Variants in DEPDC1B observed in about 807,000 individuals in gnomAD.
DEPDC1B encodes the protein DEP domain containing 1B.
DEPDC1B carries 51 observed loss-of-function variants against 66.5 expected under a neutral mutation model. The observed-to-expected ratio is 0.77, with a 90% CI of 0.61 to 0.97. The LOEUF is 0.97. DEPDC1B is among the 50% of genes least tolerant of loss of function. The probability of loss-of-function intolerance (pLI) is 0.00; values close to 1 mark genes in which losing one functional copy is unlikely to be tolerated. For missense variants in DEPDC1B, 552 were observed against 637.1 expected (o/e 0.87, Z 1.44); for synonymous variants, 226 against 223.6 (o/e 1.01, Z -0.10).
chr5:60,700,099 G>T lies in DEPDC1B; in HGVS notation c.-6C>A. On this transcript the variant is annotated 5_prime_UTR_variant, in exon 1 of 11. Transcript: ENST00000265036. ...CCCACGATGCGATGCTCCATGGCGC[G>T]TAGGCAGCAGCGGCCGCAGCCGCGC... 6.5e-7 allele frequency: 1 copy of T among 1,550,326 alleles called. No individual in the cohort carries two copies. The highest frequency in any genetic ancestry group is 1.2e-5 in the South Asian group (1 of 84,218).
chr5:60,650,127 G>A (rs547512763), intron 2 of DEPDC1B, among the ~76,000 whole-genome samples: 2 of 152,144 alleles, frequency 1.3e-5, no homozygotes, highest in East Asian at 1.9e-4. Flanking sequence ...GAGATGAGAG[G>A]ATCACTTGAA....
chr5:60,656,839 T>C (rs1753590060), intron 2 of DEPDC1B, among the ~76,000 whole-genome samples: 1 of 152,116 alleles, frequency 6.6e-6, no homozygotes, highest in South Asian at 2.1e-4. Flanking sequence ...ACATGGGGAT[T>C]GTAGGGATTT....
At chr5:60,610,744 G>T (rs1326237289) in intron 7 of DEPDC1B, among the ~76,000 whole-genome samples, 2 of 152,168 alleles carry the variant, frequency 1.3e-5, no homozygotes, top group Admixed American at 1.3e-4. Context: ...TTATTACTCT[G>T]TGAGTCACTG....
intron 2 of DEPDC1B, among the ~76,000 whole-genome samples, chr5:60,658,489 T>A (rs545205238): frequency 6.6e-6 from 1 of 152,292 alleles, no homozygotes; most frequent in East Asian, 1.9e-4. Flanking sequence ...CATGGGGTGA[T>A]CCCTTTGAGA....
intron 2 of DEPDC1B, among the ~76,000 whole-genome samples, chr5:60,648,686 T>C (rs1313924756): frequency 2.0e-5 from 3 of 152,190 alleles, no homozygotes; most frequent in Non-Finnish European, 4.4e-5. Flanking sequence ...ATCCAATAAC[T>C]ATTTTAAACA....
intron 1 of DEPDC1B, among the ~76,000 whole-genome samples, chr5:60,698,697 C>T (rs1222803452): frequency 7.0e-6 from 1 of 141,896 alleles, no homozygotes; most frequent in Admixed American, 7.4e-5. Context: ...GATGGAGTTT[C>T]GCTCGTTGCC....
At chr5:60,608,342 C>T (rs774722094) in intron 7 of DEPDC1B, among the ~76,000 whole-genome samples, 1 of 151,758 alleles carries the variant, frequency 6.6e-6, no homozygotes, top group Non-Finnish European at 1.5e-5. Flanking sequence ...ACAAGCTAAC[C>T]GAAAGCATAA....
intron 7 of DEPDC1B, among the ~76,000 whole-genome samples, chr5:60,607,667 A>C (rs1752338101): frequency 6.6e-6 from 1 of 152,100 alleles, no homozygotes; most frequent in Non-Finnish European, 1.5e-5. Context: ...CTGGGGAGTG[A>C]GGGGATGTGC....
intron 8 of DEPDC1B, among the ~76,000 whole-genome samples, chr5:60,604,069 C>T (rs939258251): frequency 1.3e-5 from 2 of 151,330 alleles, no homozygotes; most frequent in South Asian, 4.2e-4. Context: ...CTAGGATTTT[C>T]GATGTATATT....
chr5:60,654,924 C>T (rs1753542884), intron 2 of DEPDC1B, among the ~76,000 whole-genome samples: 1 of 149,022 alleles, frequency 6.7e-6, no homozygotes, highest in Admixed American at 6.7e-5. Context: ...TGGTATATCA[C>T]ATTTATTGAC....
chr5:60,699,862 GGCCCCGTTA>G (rs1754745051), intron 1 of DEPDC1B, among the ~76,000 whole-genome samples, 175 bp downstream of exon 1: 1 of 152,214 alleles, frequency 6.6e-6, no homozygotes, highest in Non-Finnish European at 1.5e-5. Flanking sequence ...CTGAGCTCTG[GGCCCCGTTA>G]GCCTTTCTTT....
At chr5:60,640,419 G>A (rs923308994) in intron 6 of DEPDC1B, among the ~76,000 whole-genome samples, 4 of 152,058 alleles carry the variant, frequency 2.6e-5, no homozygotes, top group African/African-American at 9.7e-5. Context: ...ATCAGTGCAT[G>A]GTGAGCCCTA....
At chr5:60,602,696 G>A (rs1307063666) in intron 9 of DEPDC1B, among the ~76,000 whole-genome samples, 1 of 152,108 alleles carries the variant, frequency 6.6e-6, no homozygotes, top group Non-Finnish European at 1.5e-5. Flanking sequence ...CCTGACATAT[G>A]TCAGAAATTC....
chr5:60,613,005 T>G (rs879866032), intron 7 of DEPDC1B, among the ~76,000 whole-genome samples: 5 of 152,246 alleles, frequency 3.3e-5, no homozygotes, highest in Non-Finnish European at 7.3e-5. Flanking sequence ...AACATGCTAC[T>G]TTTTAAATGC....
intron 7 of DEPDC1B, among the ~76,000 whole-genome samples, chr5:60,621,957 T>C (rs558067452): frequency 5.9e-5 from 9 of 152,256 alleles, no homozygotes; most frequent in Admixed American, 1.3e-4. Flanking sequence ...CTTTAGGATA[T>C]TGGCAATGTA....
At position 60,696,043 on chromosome 5, in the gene DEPDC1B, C is replaced by T. The variant is rs1284224998; in HGVS notation, c.48+4003G>A. ...TGATCTCCTGACCTCGTGATCCACCCGCCTCGGCCTCCCAAAGTGCTGAGA... is the reference window on the plus strand; with the variant it reads ...TGATCTCCTGACCTCGTGATCCACCTGCCTCGGCCTCCCAAAGTGCTGAGA... On this transcript the variant is annotated intron_variant, in intron 1 of 10. Coordinates refer to ENST00000265036, the MANE Select transcript of DEPDC1B (RefSeq NM_018369.3). Among the ~76,000 whole-genome samples the T allele has an allele frequency of 3.3e-5, 5 of 152,142 alleles. No individual in the cohort carries two copies. In the South Asian group the frequency reaches 6.2e-4, roughly 19 times the overall value.
intron 10 of DEPDC1B, among the ~76,000 whole-genome samples, chr5:60,598,555 G>C (rs1057200325): frequency 3.3e-4 from 50 of 152,180 alleles, no homozygotes; most frequent in African/African-American, 1.2e-3. Flanking sequence ...GTAACATATT[G>C]TGAGTTAAAA....
intron 2 of DEPDC1B, among the ~76,000 whole-genome samples, chr5:60,651,003 C>T (rs1753438045): frequency 6.6e-6 from 1 of 152,140 alleles, no homozygotes; most frequent in African/African-American, 2.4e-5. Context: ...AACCAGCCAT[C>T]TTATAAGAAG....
chr5:60,692,613 G>A (rs1754572444), intron 1 of DEPDC1B, among the ~76,000 whole-genome samples: 1 of 152,024 alleles, frequency 6.6e-6, no homozygotes, highest in Non-Finnish European at 1.5e-5. Context: ...AAACAGATTG[G>A]CAATATCTAC....
Sources: gnomAD v4.1 joint callset for allele counts (sites outside exome capture counted in the v4.1 genomes callset) on GRCh38, gnomAD v4.1.1 for gene constraint, MANE v1.5 for transcripts, NCBI Gene and HGNC (gene_info 2026-07-23, HGNC 2026-07-21) for gene names.